PRKCH: variants seen among roughly 807,000 people sequenced by gnomAD.
PRKCH encodes protein kinase C eta.
Under a neutral mutation model 82.5 loss-of-function variants are expected in PRKCH, and 28 were observed. The observed-to-expected ratio is 0.34, with a 90% CI of 0.25 to 0.47. The LOEUF (loss-of-function observed/expected upper bound fraction) is 0.47. PRKCH is among the 20% of genes least tolerant of loss of function. The pLI is 1.00. For synonymous variants in PRKCH, 322 were observed against 327.4 expected (o/e 0.98, Z 0.18); for missense variants, 705 against 881.8 (o/e 0.80, Z 2.54).
Position 61,437,064 on chromosome 14 carries a change from T to G in PRKCH, c.428-6047T>G, listed in dbSNP as rs117895101. ...TCACCCACTGGTGGGGTGTGCTTGT[T>G]GTAAATACCCATTTAAATGTTTACA... On this transcript the variant is annotated intron_variant, in intron 2 of 13. Coordinates refer to ENST00000332981, the MANE Select transcript of PRKCH (RefSeq NM_006255.5). 9.1e-3 allele frequency among the ~76,000 whole-genome samples: 1,383 copies of G among 152,358 alleles called. 14 individuals carry two copies. The highest frequency in any genetic ancestry group is 0.012 in the Non-Finnish European group (845 of 68,028).
intron 9 of PRKCH, among the ~76,000 whole-genome samples, chr14:61,484,300 T>TTTC (rs1886110851): frequency 6.8e-6 from 1 of 146,668 alleles, no homozygotes; most frequent in South Asian, 2.2e-4. Flanking sequence ...ACTTTTTTTT[T>TTTC]TTTTTTTTTT....
chr14:61,416,693 C>T (rs1000760135), intron 2 of PRKCH, among the ~76,000 whole-genome samples: 1 of 152,022 alleles, frequency 6.6e-6, no homozygotes, highest in Admixed American at 6.6e-5. Context: ...GTCCCTTTCC[C>T]CCTCCCCCAA....
At chr14:61,295,083 C>G (rs2045395762) in intron 1 of PRKCH, among the ~76,000 whole-genome samples, 1 of 152,136 alleles carries the variant, frequency 6.6e-6, no homozygotes, top group Non-Finnish European at 1.5e-5. Context: ...CCAGGCTGGT[C>G]TCGAACTTCC....
intron 1 of PRKCH, among the ~76,000 whole-genome samples, chr14:61,370,963 A>C (rs771560477): frequency 6.6e-6 from 1 of 152,062 alleles, no homozygotes; most frequent in African/African-American, 2.4e-5. Flanking sequence ...TAACGTTAAC[A>C]TGGGAATGTT....
chr14:61,320,602 A>AACAACAAC (rs1555375325), upstream of PRKCH, among the ~76,000 whole-genome samples: 959 of 151,508 alleles, frequency 6.3e-3, 10 homozygotes, highest in Middle Eastern at 0.024. Context: ...TCCGTCTCAA[A>AACAACAAC]AACAACAACA....
At chr14:61,406,704 C>G (rs969392853) in intron 2 of PRKCH, among the ~76,000 whole-genome samples, 2 of 152,114 alleles carry the variant, frequency 1.3e-5, no homozygotes, top group Non-Finnish European at 2.9e-5. Flanking sequence ...ATTCTTAGAA[C>G]CAAGAATGGA....
At chr14:61,330,448 C>T (rs891760627) in intron 1 of PRKCH, among the ~76,000 whole-genome samples, 5 of 152,118 alleles carry the variant, frequency 3.3e-5, no homozygotes, top group African/African-American at 1.2e-4. Context: ...GAACAGATGA[C>T]CTGCAAAAGA....
At chr14:61,479,676 CCTTA>C (rs1885881483) in intron 9 of PRKCH, among the ~76,000 whole-genome samples, 1 of 152,194 alleles carries the variant, frequency 6.6e-6, no homozygotes, top group Admixed American at 6.5e-5. Context: ...AGGGAATGCA[CCTTA>C]CTTATACTGA....
intron 1 of PRKCH, among the ~76,000 whole-genome samples, chr14:61,308,098 C>T (rs1251852713): frequency 6.6e-6 from 1 of 152,138 alleles, no homozygotes; most frequent in African/African-American, 2.4e-5. Flanking sequence ...CCTTGGTCTC[C>T]CAGAGTGTTG....
At chr14:61,498,573 A>C (rs1886764271) in intron 10 of PRKCH, among the ~76,000 whole-genome samples, 1 of 152,114 alleles carries the variant, frequency 6.6e-6, no homozygotes, top group African/African-American at 2.4e-5. Flanking sequence ...AGCTCTGGAG[A>C]CTGGGAATTC....
At chr14:61,338,767 C>T (rs2045891156) in intron 1 of PRKCH, among the ~76,000 whole-genome samples, 1 of 152,088 alleles carries the variant, frequency 6.6e-6, no homozygotes, top group African/African-American at 2.4e-5. Flanking sequence ...CCTGAAGTTG[C>T]CTCATTAGAA....
intron 12 of PRKCH, among the ~76,000 whole-genome samples, chr14:61,533,038 C>G (rs920219915): frequency 1.3e-5 from 2 of 152,178 alleles, no homozygotes; most frequent in Non-Finnish European, 2.9e-5. Context: ...CTCACAGTGC[C>G]GGGCCTGCCT....
chr14:61,202,478 T>C lies in PRKCH; in HGVS notation c.-19+14810T>C, dbSNP rs188777172. Among the ~76,000 whole-genome samples, 6 of 152,272 alleles carry C rather than the reference T, an allele frequency of 3.9e-5. No homozygotes were observed. In the East Asian group the frequency reaches 1.2e-3, roughly 29 times the overall value. ...TTTGAAAGGTATTGTCTCCTGTACA[T>C]ATATAGATGCATGGAAAATGGTCTG... On this transcript the variant is annotated intron_variant, in intron 1 of 3. Coordinates refer to the PRKCH transcript ENST00000555185.
chr14:61,198,687 C>T (rs150343451), intron 1 of PRKCH, among the ~76,000 whole-genome samples: 30 of 152,206 alleles, frequency 2.0e-4, no homozygotes, highest in African/African-American at 7.2e-4. Context: ...AGTCAGACTT[C>T]CTAGTTAGGA....
intron 1 of PRKCH, among the ~76,000 whole-genome samples, chr14:61,197,549 C>G (rs2140036323): frequency 6.6e-6 from 1 of 152,280 alleles, no homozygotes; most frequent in South Asian, 2.1e-4. Context: ...ACTCAGGTCT[C>G]TCTTCCTCTG....
chr14:61,196,781 C>A (rs1005145778), intron 1 of PRKCH, among the ~76,000 whole-genome samples: 1 of 152,082 alleles, frequency 6.6e-6, no homozygotes, highest in African/African-American at 2.4e-5. Context: ...CTATGTGACA[C>A]GTGAACATAG....
chr14:61,468,576 G>A (rs1885363575), intron 9 of PRKCH, among the ~76,000 whole-genome samples: 1 of 152,164 alleles, frequency 6.6e-6, no homozygotes, highest in South Asian at 2.1e-4. Context: ...AAATGAATAG[G>A]AATAAGAGAA....
chr14:61,502,890 G>A (rs1416286889), intron 10 of PRKCH, among the ~76,000 whole-genome samples: 1 of 152,052 alleles, frequency 6.6e-6, no homozygotes, highest in African/African-American at 2.4e-5. Context: ...GAGGAAGGCA[G>A]GTGACACTGA....
Position 61,280,845 on chromosome 14 carries a change from G to C in PRKCH, c.-19+93177G>C, listed in dbSNP as rs768045964. On this transcript the variant is annotated intron_variant, in intron 1 of 3. Transcript: ENST00000555185. This position sits in a 1 kb window ranked among gnomAD's most constrained non-coding sequence, Gnocchi z 5.0. ...GGTACACTGGGCCCTGGAAGAGCTC[G>C]GGCAGCGAGAAGTACCAGGCGCACG... 1.1e-5 allele frequency: 17 copies of C among 1,565,656 alleles called. No homozygotes were observed. In the Admixed American group the frequency reaches 2.8e-4, roughly 25 times the overall value.
Sources: gnomAD v4.1 joint callset for allele counts (sites outside exome capture counted in the v4.1 genomes callset) on GRCh38, gnomAD v4.1.1 for gene constraint, Gnocchi (gnomAD v3.1) non-coding constraint, MANE v1.5 for transcripts, NCBI Gene and HGNC (gene_info 2026-07-23, HGNC 2026-07-21) for gene names.